STXBP5L: variants seen among roughly 807,000 people sequenced by gnomAD.
STXBP5L encodes syntaxin-binding protein 5-like.
STXBP5L carries 65 observed loss-of-function variants against 144.5 expected under a neutral mutation model. That is an observed-to-expected ratio of 0.45 (90% CI 0.37 to 0.55). STXBP5L has a LOEUF of 0.55. Among genes scored for constraint, STXBP5L ranks in the 20% least tolerant of loss-of-function variants. The pLI, the probability that STXBP5L is intolerant of heterozygous loss-of-function variation, is 0.00. For missense variants in STXBP5L, 1,298 were observed against 1,405.5 expected (o/e 0.92, Z 1.22); for synonymous variants, 505 against 469.6 (o/e 1.08, Z -0.97).
At position 121,399,769 on chromosome 3, in the gene STXBP5L, C is replaced by T. The variant is rs535728615; in HGVS notation, c.2588-7474C>T. On this transcript the variant is annotated intron_variant, in intron 22 of 26. Coordinates refer to ENST00000471454, the MANE Select transcript of STXBP5L (RefSeq NM_001308330.2). Reference sequence around the variant, plus strand: ...TTCTGGTAAACCCACAACCTTCCAGCGTGGGCGTTACGGCCATCATGAACA... The same window carrying T: ...TTCTGGTAAACCCACAACCTTCCAGTGTGGGCGTTACGGCCATCATGAACA... 4.6e-5 allele frequency among the ~76,000 whole-genome samples: 7 copies of T among 152,312 alleles called. No homozygotes were observed. The East Asian group carries it at 5.8e-4, about 13-fold the overall frequency.
intron 19 of STXBP5L, among the ~76,000 whole-genome samples, chr3:121,300,311 A>C (rs947052496): frequency 2.0e-5 from 3 of 152,200 alleles, no homozygotes; most frequent in African/African-American, 7.2e-5. Flanking sequence ...AGATAAAAAA[A>C]CGATGGAAAA....
intron 7 of STXBP5L, among the ~76,000 whole-genome samples, chr3:121,143,134 C>T (rs1002297143): frequency 1.3e-5 from 2 of 151,370 alleles, no homozygotes; most frequent in South Asian, 2.1e-4. Context: ...TTCTTAGAAA[C>T]ATAAAACCTG....
rs867755427 is a variant in STXBP5L at position 121,407,282 on chromosome 3, C to T, written c.2627C>T (p.Ser876Phe). The T allele has an allele frequency of 2.5e-6, 4 of 1,604,820 alleles. No individual in the cohort carries two copies. Among genetic ancestry groups the T allele is most frequent in the African/African-American group, 1.3e-5 (1 of 74,582 alleles). ...TTGAAAGGAGCTGTGCTAACATTCT[C>T]CTGTATGGACCGAATGGGTGGATTA... ...LSLKGAVLTFSCMDRMGGLMQ... is the reference protein window; with the variant it reads ...LSLKGAVLTFFCMDRMGGLMQ... Residue 876 changes from serine (S) to phenylalanine (F), a missense_variant, in exon 23 of 27, where the codon TCC becomes TTC. By Grantham distance (155) the Ser-to-Phe change is radical. Transcript: ENST00000471454.
At chr3:121,100,258 T>C (rs1159466986) in intron 5 of STXBP5L, among the ~76,000 whole-genome samples, 1 of 152,118 alleles carries the variant, frequency 6.6e-6, no homozygotes, top group Admixed American at 6.6e-5. Context: ...AACTAATATA[T>C]GTCTACATAA....
At chr3:121,401,660 C>T (rs530129976) in intron 22 of STXBP5L, among the ~76,000 whole-genome samples, 3,667 of 115,686 alleles carry the variant, frequency 0.032, 95 homozygotes, top group Middle Eastern at 0.091. Context: ...AACCAAACAC[C>T]GCATATTCTC....
intron 22 of STXBP5L, among the ~76,000 whole-genome samples, chr3:121,402,308 A>T (rs886669224): frequency 6.6e-6 from 1 of 152,194 alleles, no homozygotes; most frequent in African/African-American, 2.4e-5. Context: ...GTTCCGTGGA[A>T]GTTGAGAGAC....
intron 5 of STXBP5L, among the ~76,000 whole-genome samples, chr3:121,073,207 C>A (rs1353710446): frequency 6.6e-6 from 1 of 152,212 alleles, no homozygotes; most frequent in Non-Finnish European, 1.5e-5. Context: ...CCCTGGGCCA[C>A]ACAATGGGGC....
intron 3 of STXBP5L, among the ~76,000 whole-genome samples, chr3:121,004,412 CTT>C (rs1392066927): frequency 1.3e-5 from 2 of 152,034 alleles, no homozygotes; most frequent in Admixed American, 1.3e-4. Flanking sequence ...TATCCTGAGA[CTT>C]TGCTGAAGTT....
chr3:121,211,181 C>T (rs1247046477), intron 10 of STXBP5L, among the ~76,000 whole-genome samples: 3 of 152,156 alleles, frequency 2.0e-5, no homozygotes, highest in African/African-American at 7.2e-5. Flanking sequence ...GTATTTTATT[C>T]TCTTTGTAGC....
At chr3:121,405,913 G>A (rs1411156843) in intron 22 of STXBP5L, among the ~76,000 whole-genome samples, 1 of 151,994 alleles carries the variant, frequency 6.6e-6, no homozygotes, top group Non-Finnish European at 1.5e-5. Flanking sequence ...AAGTAAAATG[G>A]CTTTCAAAAT....
At chr3:121,306,779 C>A (rs2043350625) in intron 19 of STXBP5L, among the ~76,000 whole-genome samples, 1 of 152,130 alleles carries the variant, frequency 6.6e-6, no homozygotes, top group Admixed American at 6.6e-5. Context: ...GGGATTTAAA[C>A]CTCAAAGACT....
chr3:121,366,259 A>G (rs1322592175), intron 20 of STXBP5L, among the ~76,000 whole-genome samples: 1 of 151,932 alleles, frequency 6.6e-6, no homozygotes, highest in Admixed American at 6.6e-5. Flanking sequence ...AGTGTTATAT[A>G]TCACTGTTAG....
At chr3:121,052,357 G>A (rs1948081718) in intron 5 of STXBP5L, among the ~76,000 whole-genome samples, 1 of 152,138 alleles carries the variant, frequency 6.6e-6, no homozygotes, top group Non-Finnish European at 1.5e-5. Flanking sequence ...TAAAATACTG[G>A]CAAACAGAAT....
At chr3:121,051,101 T>G (rs1947947566) in intron 5 of STXBP5L, among the ~76,000 whole-genome samples, 1 of 152,148 alleles carries the variant, frequency 6.6e-6, no homozygotes, top group Non-Finnish European at 1.5e-5. Context: ...CTGAGTGACC[T>G]ACAAAGAGAC....
chr3:121,312,646 G>A (rs1401792830), intron 19 of STXBP5L, among the ~76,000 whole-genome samples: 1 of 150,640 alleles, frequency 6.6e-6, no homozygotes, highest in East Asian at 2.0e-4. Context: ...TTAAAGATTA[G>A]GGAGTGGTGA....
chr3:121,090,836 G>T (rs992258772), intron 5 of STXBP5L, among the ~76,000 whole-genome samples: 1 of 151,910 alleles, frequency 6.6e-6, no homozygotes, highest in East Asian at 1.9e-4. Flanking sequence ...GTGCAGGTTA[G>T]TTACATATGT....
At chr3:121,058,178 A>G (rs771107340) in intron 5 of STXBP5L, among the ~76,000 whole-genome samples, 1 of 152,042 alleles carries the variant, frequency 6.6e-6, no homozygotes, top group Non-Finnish European at 1.5e-5. Flanking sequence ...CCCTGTGTCC[A>G]TGTGTTCTCA....
chr3:121,282,769 C>T (rs1026632295), intron 19 of STXBP5L, among the ~76,000 whole-genome samples: 1 of 151,950 alleles, frequency 6.6e-6, no homozygotes, highest in Non-Finnish European at 1.5e-5. Flanking sequence ...ATATTTGCTT[C>T]TTTTAAATAA....
At chr3:121,073,486 C>T (rs1576858760) in intron 5 of STXBP5L, among the ~76,000 whole-genome samples, 2 of 152,324 alleles carry the variant, frequency 1.3e-5, no homozygotes. Flanking sequence ...GTGGCCATCC[C>T]ATAGCCACCA....
Sources: gnomAD v4.1 joint callset for allele counts (sites outside exome capture counted in the v4.1 genomes callset) on GRCh38, gnomAD v4.1.1 for gene constraint, MANE v1.5 for transcripts, NCBI Gene and HGNC (gene_info 2026-07-23, HGNC 2026-07-21) for gene names.